CCDC171: variants seen among roughly 807,000 people sequenced by gnomAD.
CCDC171 encodes coiled-coil domain-containing protein 171.
In CCDC171, 177 loss-of-function variants were observed where a neutral mutation model predicts 168.2. That is an observed-to-expected ratio of 1.05 (90% confidence interval 0.93 to 1.19). The LOEUF is 1.19. Ranked by LOEUF, CCDC171 falls within the 50% of genes most tolerant of loss-of-function variation. The pLI is 0.00. For missense variants in CCDC171, 1,991 were observed against 1,539.0 expected (o/e 1.29, Z -4.91); for synonymous variants, 687 against 540.8 (o/e 1.27, Z -3.75).
intron 18 of CCDC171, among the ~76,000 whole-genome samples, chr9:15,756,732 A>G (rs545826409): frequency 1.0e-4 from 16 of 152,384 alleles, no homozygotes; most frequent in Non-Finnish European, 1.9e-4. Context: ...CTGTACTCCC[A>G]TAATTCCGGC....
intron 4 of CCDC171, among the ~76,000 whole-genome samples, chr9:15,582,432 A>G (rs1354193867): frequency 6.6e-6 from 1 of 152,140 alleles, no homozygotes; most frequent in African/African-American, 2.4e-5. Flanking sequence ...ATTGCTGGGT[A>G]TATACCCAAA....
chr9:15,877,340 C>G (rs1162943017), intron 24 of CCDC171, among the ~76,000 whole-genome samples: 1 of 152,032 alleles, frequency 6.6e-6, no homozygotes, highest in Non-Finnish European at 1.5e-5. Flanking sequence ...TTATAAGGCC[C>G]TTGTAAAGAT....
chr9:15,561,119 C>G (rs1040917833), intron 1 of CCDC171, among the ~76,000 whole-genome samples: 2 of 152,146 alleles, frequency 1.3e-5, no homozygotes, highest in Non-Finnish European at 2.9e-5. Flanking sequence ...ATCTTGGAAC[C>G]TCCTCCGTGA....
chr9:15,744,524 G>T lies in CCDC171; in HGVS notation c.2301G>T (p.Leu767=), dbSNP rs1375239643. The T allele has an allele frequency of 6.2e-7, 1 of 1,614,180 alleles. No homozygotes were observed. Among genetic ancestry groups the T allele is most frequent in the Non-Finnish European group, 8.5e-7 (1 of 1,180,028 alleles). The change falls in exon 17 of 26, where the codon CTG becomes CTT. Residue 767 remains leucine (L), a synonymous_variant. Transcript: ENST00000380701. The part of the protein sequence containing the change: ...EQVNTFELFK[L]EIRTLAQALS... ...TCAACACCTTTGAGTTGTTCAAACT[G>T]GAAATTAGAACTCTAGCCCAGGCTT...
chr9:15,635,519 T>C (rs1041225721), intron 7 of CCDC171, among the ~76,000 whole-genome samples: 1 of 152,166 alleles, frequency 6.6e-6, no homozygotes, highest in Non-Finnish European at 1.5e-5. Flanking sequence ...TCCACTTTCT[T>C]CTGCCTGCTT....
chr9:15,993,326 C>G (rs546523092), intron 3 of CCDC171, among the ~76,000 whole-genome samples: 3,605 of 152,142 alleles, frequency 0.024, 146 homozygotes, highest in African/African-American at 0.083. Flanking sequence ...ACAAACCTGA[C>G]AAAAACAAGC....
intron 21 of CCDC171, among the ~76,000 whole-genome samples, chr9:15,812,885 T>C (rs2059415658): frequency 1.3e-5 from 2 of 152,216 alleles, no homozygotes; most frequent in South Asian, 2.1e-4. Context: ...GTTTAAATTA[T>C]CTTGCAGTTA....
At chr9:16,094,088 G>A in the CCDC171 span, among the ~76,000 whole-genome samples, 240 of 152,308 alleles carry the variant, frequency 1.6e-3, 1 homozygote, top group African/African-American at 5.4e-3. Context: ...GAGGTTGGAC[G>A]ATAAGCAGTG....
chr9:15,790,716 T>G (rs2058212748), intron 21 of CCDC171, among the ~76,000 whole-genome samples: 1 of 152,222 alleles, frequency 6.6e-6, no homozygotes, highest in African/African-American at 2.4e-5. Flanking sequence ...CTTCTAGGGT[T>G]TTTATGGTTT....
intron 21 of CCDC171, among the ~76,000 whole-genome samples, chr9:15,809,311 A>G (rs2059223786): frequency 6.6e-6 from 1 of 152,218 alleles, no homozygotes; most frequent in Admixed American, 6.5e-5. Context: ...GGTAACCACT[A>G]GCCACGTGTG....
chr9:15,596,420 G>A (rs1364930490), intron 6 of CCDC171, among the ~76,000 whole-genome samples: 1 of 151,880 alleles, frequency 6.6e-6, no homozygotes, highest in Non-Finnish European at 1.5e-5. Context: ...CCCATTTCTT[G>A]TTTTTGTCAG....
chr9:15,801,736 T>C (rs2058831136), intron 21 of CCDC171, among the ~76,000 whole-genome samples: 1 of 152,124 alleles, frequency 6.6e-6, no homozygotes, highest in Admixed American at 6.6e-5. Context: ...CTATTCAGTA[T>C]GATACTAGCT....
chr9:16,066,430 C>T (rs974206599), downstream of CCDC171, among the ~76,000 whole-genome samples: 21 of 151,594 alleles, frequency 1.4e-4, no homozygotes, highest in East Asian at 1.9e-3. Context: ...CGTGAAGTCA[C>T]GTGCTGTGTT....
intron 7 of CCDC171, among the ~76,000 whole-genome samples, chr9:15,635,973 C>G (rs1375416401): frequency 6.6e-6 from 1 of 152,156 alleles, no homozygotes; most frequent in Non-Finnish European, 1.5e-5. Context: ...TTTTATATTA[C>G]AACCACTGTA....
rs190201091 is a variant in CCDC171, at chr9:15,617,525, C to T, written c.676-5742C>T. On this transcript the variant is annotated intron_variant, in intron 6 of 25. Transcript: ENST00000380701. ...CCAAGTAGCTGGGACTACAGGTGCA[C>T]GCCACCACACCCGGCTAATTTTTTG... Among the ~76,000 whole-genome samples the T allele has an allele frequency of 6.2e-3, 939 of 151,854 alleles. 8 individuals are homozygous for T. The highest frequency in any genetic ancestry group is 0.022 in the African/African-American group (912 of 41,422).
At chr9:16,071,649 G>A in the CCDC171 span, among the ~76,000 whole-genome samples, 2 of 152,244 alleles carry the variant, frequency 1.3e-5, no homozygotes, top group African/African-American at 4.8e-5. Flanking sequence ...GGAAGAGGAA[G>A]CTTCGCTTCC....
At chr9:16,031,749 C>T (rs1833367453) in intron 6 of CCDC171, among the ~76,000 whole-genome samples, 1 of 152,170 alleles carries the variant, frequency 6.6e-6, no homozygotes, top group Non-Finnish European at 1.5e-5. Flanking sequence ...ATAGGATTCC[C>T]TGGCTGCCAA....
chr9:16,033,236 G>A (rs1277479959), intron 6 of CCDC171, among the ~76,000 whole-genome samples: 1 of 152,202 alleles, frequency 6.6e-6, no homozygotes, highest in Non-Finnish European at 1.5e-5. Context: ...TATTATAGGG[G>A]TCCCCAACCC....
chr9:15,750,737 G>T (rs2055672938), intron 18 of CCDC171, among the ~76,000 whole-genome samples: 1 of 152,134 alleles, frequency 6.6e-6, no homozygotes, highest in African/African-American at 2.4e-5. Context: ...AGCCCTTCAT[G>T]CTAAAAACTC....
Sources: gnomAD v4.1 joint callset for allele counts (sites outside exome capture counted in the v4.1 genomes callset) on GRCh38, gnomAD v4.1.1 for gene constraint, MANE v1.5 for transcripts, NCBI Gene and HGNC (gene_info 2026-07-23, HGNC 2026-07-21) for gene names.